Variants in EHD2 observed in about 807,000 individuals in gnomAD.
EHD2 encodes the protein EH domain containing 2.
Under a neutral mutation model 41.0 loss-of-function variants are expected in EHD2, and 27 were observed. The observed-to-expected ratio is 0.66, with a 90% CI of 0.49 to 0.91. The LOEUF is 0.91. EHD2 is among the 40% of genes least tolerant of loss of function. The probability of loss-of-function intolerance (pLI) is 0.00; values close to 1 mark genes in which losing one functional copy is unlikely to be tolerated. For missense variants in EHD2, 673 were observed against 773.9 expected, an observed-to-expected ratio of 0.87 and a Z score of 1.55; for synonymous variants, 342 against 341.0, an observed-to-expected ratio of 1.00 and a Z score of -0.03.
In EHD2 at chr19:47,742,162, TTC is replaced by T. The variant is rs1179572049; in HGVS notation, c.*732_*733del. The stretch of plus-strand genomic sequence containing the variant: ...TTCCTTCTTTTCTTTCCTTCCTTCC[TTC>T]TTTTTTGTTTTTGCCCCCAATTCTG... On this transcript the variant is annotated 3_prime_UTR_variant, in exon 6 of 6. Coordinates refer to ENST00000263277, the MANE Select transcript of EHD2 (RefSeq NM_014601.4). The T allele has an allele frequency of 3.0e-6, 1 of 337,372 alleles. No individual in the cohort carries two copies. Among genetic ancestry groups the T allele is most frequent in the East Asian group, 8.8e-5 (1 of 11,398 alleles). The allele number at this position is 337,372 out of a possible 1,614,324, so 20.9% of individuals were successfully genotyped here. A position where few individuals can be genotyped will look rare whatever the true frequency, so the allele number is the denominator to read the frequency against.
rs778830768 is a variant in EHD2, at chr19:47,716,910, G to A, written c.298G>A (p.Val100Ile). 3.7e-5 allele frequency: 59 copies of A among 1,611,714 alleles called. No individual in the cohort carries two copies. The highest frequency in any genetic ancestry group is 4.3e-5 in the Non-Finnish European group (51 of 1,179,940). ...PEPTTDCFVA[V>I]MHGDTEGTVP... ...GCCCACCACCGACTGCTTTGTGGCCGTCATGCACGGGGACACTGAGGGCAC... is the reference window on the plus strand; with the variant it reads ...GCCCACCACCGACTGCTTTGTGGCCATCATGCACGGGGACACTGAGGGCAC... Residue 100 changes from valine (V) to isoleucine (I), a missense_variant, in exon 2 of 6, where the codon GTC (valine) becomes ATC (isoleucine). Physicochemically the swap from Val to Ile is conservative, Grantham distance 29. Coordinates refer to ENST00000263277, the MANE Select transcript of EHD2 (RefSeq NM_014601.4).
chr19:47,731,277 A>ATATATATATAT (rs1424865629), intron 4 of EHD2: 1 of 26,932 alleles, frequency 3.7e-5, no homozygotes, highest in African/African-American at 8.9e-5. Flanking sequence ...TAAAAAAAAA[A>ATATATATATAT]AAATATATAT....
At chr19:47,717,049 C>G (rs760660785) in intron 2 of EHD2, 33 bp downstream of exon 2, 3 of 1,597,696 alleles carry the variant, frequency 1.9e-6, no homozygotes, top group African/African-American at 2.7e-5. Context: ...GCGCATCTTT[C>G]TTTTTCTTTT....
intron 5 of EHD2, among the ~76,000 whole-genome samples, chr19:47,736,958 A>G (rs113066184): frequency 9.9e-5 from 15 of 152,120 alleles, no homozygotes; most frequent in African/African-American, 3.4e-4. Flanking sequence ...GGGGCCAGGC[A>G]TGGTGGCTCA....
At chr19:47,739,142 C>G (rs1469459257) in intron 5 of EHD2, among the ~76,000 whole-genome samples, 1 of 152,028 alleles carries the variant, frequency 6.6e-6, no homozygotes, top group Non-Finnish European at 1.5e-5. Flanking sequence ...CTCTGTCACC[C>G]AGGCTGGAGT....
At chr19:47,740,623 G>A (rs1245616749) in intron 5 of EHD2, among the ~76,000 whole-genome samples, 1 of 152,146 alleles carries the variant, frequency 6.6e-6, no homozygotes, top group Non-Finnish European at 1.5e-5. Context: ...GCGCATGCCT[G>A]TAATCCCAGC....
chr19:47,739,167 T>G (rs1052631454), intron 5 of EHD2, among the ~76,000 whole-genome samples: 3 of 152,006 alleles, frequency 2.0e-5, no homozygotes, highest in African/African-American at 7.2e-5. Flanking sequence ...TGTGGTGCTA[T>G]CTTCGCTCAC....
intron 4 of EHD2, among the ~76,000 whole-genome samples, chr19:47,736,131 G>T (rs1474708119): frequency 6.6e-6 from 1 of 152,234 alleles, no homozygotes; most frequent in Non-Finnish European, 1.5e-5. Flanking sequence ...GGGAGGCGGA[G>T]GTTGCAGTGA....
intron 3 of EHD2, among the ~76,000 whole-genome samples, chr19:47,720,689 G>C (rs1046811518): frequency 2.6e-5 from 4 of 152,130 alleles, no homozygotes; most frequent in African/African-American, 9.7e-5. Flanking sequence ...GTGTGAGATG[G>C]TCTAGGCATA....
intron 4 of EHD2, among the ~76,000 whole-genome samples, chr19:47,729,411 A>G (rs1204477276): frequency 1.3e-5 from 2 of 152,032 alleles, no homozygotes; most frequent in East Asian, 1.9e-4. Flanking sequence ...GACTCAAGCT[A>G]CCTTTTGGAG....
Position 47,742,710 on chromosome 19 carries a change from T to G in EHD2, c.*1278T>G, listed in dbSNP as rs539255335. 2.6e-5 allele frequency: 4 copies of G among 152,968 alleles called. No homozygotes were observed. Among genetic ancestry groups the G allele is most frequent in the African/African-American group, 9.6e-5 (4 of 41,470 alleles). 9.5% of individuals were successfully genotyped at this position (152,968 alleles called of 1,614,324 possible). ...TGGCTGGAACTGCCCAGCCTGCTCC[T>G]GGCCCCCTGGAAGCCTCCCCACAGC... On this transcript the variant is annotated 3_prime_UTR_variant, in exon 6 of 6. Coordinates refer to ENST00000263277, the MANE Select transcript of EHD2 (RefSeq NM_014601.4).
rs145597204 is a variant in EHD2 at position 47,741,036 on chromosome 19, C to T, written c.1236C>T (p.Gly412=). 480 of 1,609,486 alleles carry T rather than the reference C, an allele frequency of 3.0e-4. No homozygotes were observed. The highest frequency in any genetic ancestry group is 3.8e-4 in the Non-Finnish European group (445 of 1,179,610). Residue 412 remains glycine, a synonymous_variant, in exon 6 of 6, where the codon GGC becomes GGT. Coordinates refer to ENST00000263277, the MANE Select transcript of EHD2 (RefSeq NM_014601.4). The surrounding 1 kb of genome is among the most constrained non-coding windows in gnomAD (Gnocchi z 4.5). ...LESTEVGVQG[G]AFEGTHMGPF... ...GCACCGAGGTGGGCGTGCAGGGGGGCGCTTTTGAGGGCACCCACATGGGCC... is the reference window on the plus strand; with the variant it reads ...GCACCGAGGTGGGCGTGCAGGGGGGTGCTTTTGAGGGCACCCACATGGGCC...
At chr19:47,713,955 C>G (rs12984116) in intron 1 of EHD2, among the ~76,000 whole-genome samples, 2 of 152,014 alleles carry the variant, frequency 1.3e-5, no homozygotes, top group African/African-American at 2.4e-5. Flanking sequence ...CTCCCCAGCT[C>G]TCTCTCAGGG....
rs547172741 is a variant in EHD2, at chr19:47,726,076, C to A, written c.767C>A (p.Ser256Tyr). 1 of 1,578,440 alleles carries A rather than the reference C, an allele frequency of 6.3e-7. No homozygotes were observed. The highest frequency in any genetic ancestry group is 1.1e-5 in the South Asian group (1 of 87,370). ...TPEVLRVYIG[S>Y]FWSQPLLVPD... is the part of the protein sequence containing the mutation. ...GAGGTGCTGCGCGTCTACATCGGCTCCTTCTGGTCCCAGCCCCTCCTCGTG... is the reference window on the plus strand; with the variant it reads ...GAGGTGCTGCGCGTCTACATCGGCTACTTCTGGTCCCAGCCCCTCCTCGTG... Residue 256 changes from serine to tyrosine, a missense_variant, in exon 4 of 6, where the codon TCC becomes TAC. Coordinates refer to ENST00000263277, the MANE Select transcript of EHD2 (RefSeq NM_014601.4).
At position 47,740,919 on chromosome 19, in the gene EHD2, G is replaced by A. The variant is rs1424543482; in HGVS notation, c.1119G>A (p.Ser373=). Residue 373 remains serine, a synonymous_variant, in exon 6 of 6, where the codon TCG becomes TCA. Transcript: ENST00000263277. Reference sequence around the variant, plus strand: ...CGCACGACTTCACCAAGTTTCACTCGCTGAAGCCGAAGCTGCTAGAGGCAC... The same window carrying A: ...CGCACGACTTCACCAAGTTTCACTCACTGAAGCCGAAGCTGCTAGAGGCAC... ...LMAHDFTKFH[S]LKPKLLEALD... 1 of 1,613,262 alleles carries A rather than the reference G, an allele frequency of 6.2e-7. No individual in the cohort carries two copies. The highest frequency in any genetic ancestry group is 8.5e-7 in the Non-Finnish European group (1 of 1,179,912).
chr19:47,736,543 T>C lies in EHD2; in HGVS notation c.1080+10T>C. 6.4e-7 allele frequency: 1 copy of C among 1,567,052 alleles called. No individual in the cohort carries two copies. The highest frequency in any genetic ancestry group is 1.2e-5 in the South Asian group (1 of 84,922). ...TTGCCAGAAAATGCAGGTGGGAAGC[T>C]GCCCAGGAGGGAATGTTGGGGGTGG... On this transcript the variant is annotated intron_variant, in intron 5 of 5. Transcript: ENST00000263277.
Position 47,740,951 on chromosome 19 carries a change from A to G in EHD2, c.1151A>G (p.Glu384Gly), listed in dbSNP as rs369661796. The change falls in exon 6 of 6, where the codon GAG (glutamate) becomes GGG (glycine). Residue 384 changes from glutamate (E) to glycine (G), a missense_variant. By Grantham distance (98) the Glu-to-Gly change is moderately conservative. Transcript: ENST00000263277. ...LKPKLLEALD[E>G]MLTHDIAKLM... is the part of the protein sequence containing the mutation. ...CCGAAGCTGCTAGAGGCACTGGACG[A>G]GATGCTGACGCACGACATCGCCAAG... The G allele has an allele frequency of 2.8e-5, 45 of 1,612,742 alleles. No individual in the cohort carries two copies. The highest frequency in any genetic ancestry group is 3.6e-5 in the Non-Finnish European group (43 of 1,179,838).
chr19:47,718,883 T>A (rs1320301817), intron 3 of EHD2, among the ~76,000 whole-genome samples: 2 of 135,092 alleles, frequency 1.5e-5, no homozygotes, highest in Non-Finnish European at 3.1e-5. Context: ...CTCCTGGGTC[T>A]GAGGGAGGAG....
chr19:47,733,255 A>G (rs1467084090), intron 4 of EHD2, among the ~76,000 whole-genome samples: 2 of 143,458 alleles, frequency 1.4e-5, no homozygotes. Context: ...TTTTTTTTTG[A>G]GACAGTGTCT....
Sources: allele counts gnomAD v4.1 joint callset (sites outside exome capture counted in the v4.1 genomes callset), GRCh38; gene constraint gnomAD v4.1.1; non-coding constraint Gnocchi (gnomAD v3.1); transcripts MANE v1.5; gene names NCBI Gene and HGNC (gene_info 2026-07-23, HGNC 2026-07-21).